CAMK1D: variants seen among roughly 807,000 people sequenced by gnomAD.
CAMK1D encodes the protein calcium/calmodulin dependent protein kinase ID, also known as calcium/calmodulin-dependent protein kinase type 1D.
Under a neutral mutation model 47.7 loss-of-function variants are expected in CAMK1D, and 9 were observed. The ratio of observed to expected loss-of-function variants is 0.19; its 90% CI spans 0.11 to 0.33. CAMK1D has a LOEUF of 0.33. Among genes scored for constraint, CAMK1D ranks in the 10% least tolerant of loss-of-function variants. The pLI is 1.00. For missense variants in CAMK1D, 291 were observed against 488.7 expected (o/e 0.60, Z 3.81); for synonymous variants, 184 against 184.9 (o/e 0.99, Z 0.04).
chr10:12,795,436 A>G (rs1000284096), intron 6 of CAMK1D, among the ~76,000 whole-genome samples: 1 of 152,308 alleles, frequency 6.6e-6, no homozygotes, highest in Admixed American at 6.5e-5. Flanking sequence ...GCACAAGGCC[A>G]CTGAGCGGTC....
chr10:12,368,456 C>T (rs80016651), intron 1 of CAMK1D, among the ~76,000 whole-genome samples: 13,719 of 151,956 alleles, frequency 0.09, 815 homozygotes, highest in East Asian at 0.25. Context: ...AGGAAAGGAG[C>T]ATAGGCTTTG....
At chr10:12,757,486 A>G (rs369191432) in intron 3 of CAMK1D, among the ~76,000 whole-genome samples, 4 of 152,272 alleles carry the variant, frequency 2.6e-5, no homozygotes, top group African/African-American at 9.6e-5. Flanking sequence ...CTCAATAACC[A>G]AACAGCCAAC....
chr10:12,427,698 C>CTGT (rs1840282059), intron 1 of CAMK1D, among the ~76,000 whole-genome samples: 1 of 27,366 alleles, frequency 3.7e-5, no homozygotes, highest in East Asian at 1.0e-3. Flanking sequence ...ACTGAACTTA[C>CTGT]TGTTTTTTTT....
At chr10:12,736,221 C>T (rs1322739021) in intron 3 of CAMK1D, among the ~76,000 whole-genome samples, 1 of 152,218 alleles carries the variant, frequency 6.6e-6, no homozygotes, top group African/African-American at 2.4e-5. Flanking sequence ...TCTCTTGCCT[C>T]CCCTCAACTT....
At chr10:12,356,741 A>G (rs941883685) in intron 1 of CAMK1D, among the ~76,000 whole-genome samples, 1 of 151,646 alleles carries the variant, frequency 6.6e-6, no homozygotes, top group African/African-American at 2.4e-5. Flanking sequence ...AAAAAAAAAA[A>G]AAGAAAAGGT....
intron 2 of CAMK1D, among the ~76,000 whole-genome samples, chr10:12,572,042 C>CG (rs1281914213): frequency 7.1e-6 from 1 of 140,980 alleles, no homozygotes. Context: ...AAACTAAACC[C>CG]CCCCCCAAAA....
intron 1 of CAMK1D, among the ~76,000 whole-genome samples, chr10:12,450,197 C>T (rs188659002): frequency 8.7e-4 from 132 of 152,026 alleles, no homozygotes; most frequent in African/African-American, 3.0e-3. Flanking sequence ...GGAAGTTTCC[C>T]TATGTAATTA....
At chr10:12,591,887 G>T (rs546353830) in intron 2 of CAMK1D, among the ~76,000 whole-genome samples, 62 of 152,246 alleles carry the variant, frequency 4.1e-4, no homozygotes, top group African/African-American at 1.5e-3. Flanking sequence ...TAGAGACAGG[G>T]TTTCACTATG....
At chr10:12,733,279 C>G (rs1371634048) in intron 3 of CAMK1D, among the ~76,000 whole-genome samples, 1 of 152,082 alleles carries the variant, frequency 6.6e-6, no homozygotes, top group Non-Finnish European at 1.5e-5. Context: ...TGAGAGAGAC[C>G]AAGAAGACAT....
At chr10:12,603,071 C>A (rs1432741541) in intron 2 of CAMK1D, among the ~76,000 whole-genome samples, 1 of 151,788 alleles carries the variant, frequency 6.6e-6, no homozygotes, top group Non-Finnish European at 1.5e-5. Flanking sequence ...TCACTGCACC[C>A]GGCTAATTTT....
chr10:12,587,645 A>G (rs2132352786), intron 2 of CAMK1D, among the ~76,000 whole-genome samples: 1 of 152,130 alleles, frequency 6.6e-6, no homozygotes, highest in South Asian at 2.1e-4. Flanking sequence ...AGAAGAGGGC[A>G]GGGAGGACTC....
At chr10:12,612,783 C>T (rs1338591455) in intron 2 of CAMK1D, among the ~76,000 whole-genome samples, 1 of 152,062 alleles carries the variant, frequency 6.6e-6, no homozygotes, top group Non-Finnish European at 1.5e-5. Flanking sequence ...CACCTAGAGA[C>T]CTGAAAGTTC....
At chr10:12,499,534 G>A (rs770503144) in intron 1 of CAMK1D, among the ~76,000 whole-genome samples, 3 of 152,148 alleles carry the variant, frequency 2.0e-5, no homozygotes, top group Non-Finnish European at 4.4e-5. Flanking sequence ...CCCCAGATCC[G>A]AATCCCTTCC....
intron 6 of CAMK1D, among the ~76,000 whole-genome samples, chr10:12,812,382 G>A (rs7914179): frequency 0.021 from 3,146 of 152,270 alleles, 43 homozygotes; most frequent in Middle Eastern, 0.051. Flanking sequence ...TTGGGAGGCC[G>A]AGGAGGGTGG....
chr10:12,420,638 C>T (rs1840019792), intron 1 of CAMK1D, among the ~76,000 whole-genome samples: 1 of 152,060 alleles, frequency 6.6e-6, no homozygotes, highest in Non-Finnish European at 1.5e-5. Flanking sequence ...CTAACAGCCT[C>T]TGTCTTGCTA....
chr10:12,752,109 G>A (rs1271000076), intron 3 of CAMK1D, among the ~76,000 whole-genome samples: 2 of 151,746 alleles, frequency 1.3e-5, no homozygotes, highest in East Asian at 1.9e-4. Flanking sequence ...TCAGCCTCCC[G>A]AGTAGCTGGG....
rs180951041 is a variant in CAMK1D at position 12,829,669 on chromosome 10, G to C, written c.*782G>C. ...AATTGCTTGAACCCGGGAGACGGAG[G>C]TTGCAGTGAGCTGAGATCGTGCCAC... On this transcript the variant is annotated 3_prime_UTR_variant, in exon 11 of 11. Coordinates refer to ENST00000619168, the MANE Select transcript of CAMK1D (RefSeq NM_153498.4). 6.6e-6 allele frequency: 1 copy of C among 150,856 alleles called. No homozygotes were observed. The highest frequency in any genetic ancestry group is 1.5e-5 in the Non-Finnish European group (1 of 68,002). The allele number at this position is 150,856 out of a possible 1,614,324, so 9.3% of individuals were successfully genotyped here.
chr10:12,373,554 C>T (rs920655091), intron 1 of CAMK1D, among the ~76,000 whole-genome samples: 2 of 151,702 alleles, frequency 1.3e-5, no homozygotes, highest in Non-Finnish European at 2.9e-5. Context: ...ATCGCTTGAA[C>T]CTGGGAGGTG....
Position 12,572,405 on chromosome 10 carries a change from G to T in CAMK1D, c.224+19049G>T, listed in dbSNP as rs552284491. 3.3e-5 allele frequency among the ~76,000 whole-genome samples: 5 copies of T among 152,228 alleles called. No individual in the cohort carries two copies. In the South Asian group the frequency reaches 1.0e-3, roughly 32 times the overall value. ...CATCCTGAAATCATCACAGTCTAGG[G>T]GTTTGTATTTCATTTGCTAGGCCAA... On this transcript the variant is annotated intron_variant, in intron 2 of 10. Transcript: ENST00000619168.
Sources: allele counts gnomAD v4.1 joint callset (sites outside exome capture counted in the v4.1 genomes callset), GRCh38; gene constraint gnomAD v4.1.1; transcripts MANE v1.5; gene names NCBI Gene and HGNC (gene_info 2026-07-23, HGNC 2026-07-21).